The following PNPLA1 variants were observed in gnomAD, a reference collection of about 807,000 sequenced individuals.
The protein encoded by PNPLA1 is omega-hydroxyceramide transacylase.
Under a neutral mutation model 51.7 loss-of-function variants are expected in PNPLA1, and 36 were observed. The observed-to-expected ratio is 0.70, with a 90% CI of 0.53 to 0.92. The LOEUF (loss-of-function observed/expected upper bound fraction) is 0.92. Ranked by LOEUF, PNPLA1 falls within the 40% of genes least tolerant of loss-of-function variation. The pLI is 0.00. For missense variants in PNPLA1, 658 were observed against 682.5 expected, an observed-to-expected ratio of 0.96 and a Z score of 0.40; for synonymous variants, 293 against 280.1, an observed-to-expected ratio of 1.05 and a Z score of -0.46.
chr6:36,313,699 C>CT lies in PNPLA1; in HGVS notation c.*1814dup, dbSNP rs1000205254. On this transcript the variant is annotated 3_prime_UTR_variant, in exon 9 of 9. Transcript: ENST00000636260. ...AGGTGTGTACTGTGGGGGAGACTGACTAGAGAGGCCCGCCCGGCCGCAGGC... is the reference window on the plus strand; with the variant it reads ...AGGTGTGTACTGTGGGGGAGACTGACTTAGAGAGGCCCGCCCGGCCGCAGGC... Among the ~76,000 whole-genome samples, 4 of 152,356 alleles carry CT rather than the reference C, an allele frequency of 2.6e-5. No individual in the cohort carries two copies. The highest frequency in any genetic ancestry group is 2.6e-4 in the Admixed American group (4 of 15,308).
At position 36,282,088 on chromosome 6, in the gene PNPLA1, A is replaced by AGAAAGAAG. The variant is rs1554136580; in HGVS notation, c.206-9229_206-9228insAGAAGGAA. 4.6e-3 allele frequency among the ~76,000 whole-genome samples: 451 copies of AGAAAGAAG among 98,656 alleles called. 1 individual carries two copies. Among genetic ancestry groups the AGAAAGAAG allele is most frequent in the East Asian group, 7.9e-3 (26 of 3,310 alleles). 64.7% of individuals were successfully genotyped at this position (98,656 alleles called of 152,430 possible). On this transcript the variant is annotated intron_variant, in intron 1 of 8. Transcript: ENST00000636260. ...AAGAAAGAAAGAAAGAAAGAAAGAA[A>AGAAAGAAG]GAAGGAAGGAAGGAAGGAAGGAAGG...
rs1014291699 is a variant in PNPLA1, at chr6:36,313,637, T to A, written c.*1751T>A. Among the ~76,000 whole-genome samples the A allele has an allele frequency of 6.6e-6, 1 of 152,172 alleles. No homozygotes were observed. The highest frequency in any genetic ancestry group is 1.5e-5 in the Non-Finnish European group (1 of 68,034). On this transcript the variant is annotated 3_prime_UTR_variant, in exon 9 of 9. Coordinates refer to ENST00000636260, the MANE Select transcript of PNPLA1 (RefSeq NM_001374623.1). Reference sequence around the variant, plus strand: ...GTCTTGCATCCTCTGCCTACTCTGGTTGATCTGTGGCCACACCAGTCAAAG... The same window carrying A: ...GTCTTGCATCCTCTGCCTACTCTGGATGATCTGTGGCCACACCAGTCAAAG...
At chr6:36,296,619 T>C (rs147026014) in intron 5 of PNPLA1, among the ~76,000 whole-genome samples, 2 of 152,328 alleles carry the variant, frequency 1.3e-5, no homozygotes, top group African/African-American at 4.8e-5. Context: ...TTTTCCCTTC[T>C]TCAAAATTCC....
rs140037716 is a variant in PNPLA1, at chr6:36,245,897, G to A, written c.-81+2636G>A. On this transcript the variant is annotated intron_variant, in intron 1 of 7. Coordinates refer to the PNPLA1 transcript ENST00000312917. ...GCCCCCCGCCACACTGCCTCCCAGC[G>A]GCTGCTGAAATGCAATTAGCCAGGG... 1.4e-4 allele frequency among the ~76,000 whole-genome samples: 22 copies of A among 152,268 alleles called. No homozygotes were observed. In the South Asian group the frequency reaches 2.1e-3, roughly 14 times the overall value.
At chr6:36,289,478 G>A (rs1243968464) in intron 1 of PNPLA1, among the ~76,000 whole-genome samples, 1 of 152,166 alleles carries the variant, frequency 6.6e-6, no homozygotes, top group East Asian at 1.9e-4. Flanking sequence ...CACATGGTAA[G>A]GCTAACCTCA....
chr6:36,281,026 C>T (rs989594002), intron 1 of PNPLA1, among the ~76,000 whole-genome samples: 4 of 152,202 alleles, frequency 2.6e-5, no homozygotes, highest in African/African-American at 7.2e-5. Flanking sequence ...CTCCTGGCCT[C>T]AATCAATCCG....
At chr6:36,247,911 C>T (rs1398587953) in intron 1 of PNPLA1, among the ~76,000 whole-genome samples, 1 of 152,168 alleles carries the variant, frequency 6.6e-6, no homozygotes, top group Non-Finnish European at 1.5e-5. Context: ...TGGGATGTCT[C>T]AGGAATGACC....
At chr6:36,257,170 C>T (rs1367144727) in intron 1 of PNPLA1, among the ~76,000 whole-genome samples, 1 of 152,102 alleles carries the variant, frequency 6.6e-6, no homozygotes, top group Non-Finnish European at 1.5e-5. Flanking sequence ...CAGAGAAAAC[C>T]CTTCCCTGCA....
chr6:36,244,857 G>A (rs1310559351), intron 1 of PNPLA1, among the ~76,000 whole-genome samples: 1 of 152,226 alleles, frequency 6.6e-6, no homozygotes, highest in Non-Finnish European at 1.5e-5. Flanking sequence ...TGCAGCAAGA[G>A]AAAGTGAGGC....
At position 36,302,566 on chromosome 6, in the gene PNPLA1, G is replaced by C; in HGVS notation, c.1384+97G>C. On this transcript the variant is annotated intron_variant, in intron 6 of 8. Transcript: ENST00000636260. ...GGCTGATAACCGCTTCTTTAGGGGTGCGTGGCTGAAGTTAGCAGTGAGCTT... is the reference window on the plus strand; with the variant it reads ...GGCTGATAACCGCTTCTTTAGGGGTCCGTGGCTGAAGTTAGCAGTGAGCTT... The C allele has an allele frequency of 2.0e-6, 3 of 1,463,998 alleles. No homozygotes were observed. In the South Asian group the frequency reaches 4.2e-5, roughly 20 times the overall value. The allele number at this position is 1,463,998 out of a possible 1,614,324, so 90.7% of individuals were successfully genotyped here. A position where few individuals can be genotyped will look rare whatever the true frequency, so the allele number is the denominator to read the frequency against.
At chr6:36,309,998 G>A (rs370265487) in intron 8 of PNPLA1, among the ~76,000 whole-genome samples, 63 of 152,316 alleles carry the variant, frequency 4.1e-4, no homozygotes, top group African/African-American at 1.2e-3. Context: ...AAGCTAAAGT[G>A]TAGATGTCCC....
chr6:36,303,755 C>T (rs1183868312), intron 6 of PNPLA1, among the ~76,000 whole-genome samples: 1 of 152,202 alleles, frequency 6.6e-6, no homozygotes, highest in Non-Finnish European at 1.5e-5. Flanking sequence ...TCGCTTGAAC[C>T]CAGGAGGTGG....
At chr6:36,297,865 T>TACAC (rs112771131) in intron 5 of PNPLA1, among the ~76,000 whole-genome samples, 9,838 of 133,772 alleles carry the variant, frequency 0.074, 338 homozygotes, top group African/African-American at 0.1. Flanking sequence ...TGTCTCTCTG[T>TACAC]ACACACACAC....
upstream of PNPLA1, among the ~76,000 whole-genome samples, chr6:36,267,017 G>C (rs1769775727): frequency 6.6e-6 from 1 of 152,118 alleles, no homozygotes; most frequent in Admixed American, 6.5e-5. Context: ...AAACTTATGG[G>C]AAGTCCAGTT....
chr6:36,278,070 C>T (rs1770167511), intron 1 of PNPLA1, among the ~76,000 whole-genome samples: 2 of 152,210 alleles, frequency 1.3e-5, no homozygotes, highest in South Asian at 4.1e-4. Context: ...AAAACCTCCT[C>T]TCCAGACACC....
chr6:36,307,007 G>A (rs894691529), intron 7 of PNPLA1, among the ~76,000 whole-genome samples: 1 of 152,100 alleles, frequency 6.6e-6, no homozygotes, highest in African/African-American at 2.4e-5. Context: ...GCTGAATGCC[G>A]TTTGTACTGG....
At chr6:36,282,602 G>A (rs1770353693) in intron 1 of PNPLA1, among the ~76,000 whole-genome samples, 1 of 152,226 alleles carries the variant, frequency 6.6e-6, no homozygotes, top group Non-Finnish European at 1.5e-5. Flanking sequence ...CCTGGTATCA[G>A]CAGGTGCTAA....
intron 5 of PNPLA1, among the ~76,000 whole-genome samples, chr6:36,299,027 G>A (rs557546894): frequency 6.6e-5 from 10 of 152,204 alleles, no homozygotes; most frequent in Admixed American, 1.3e-4. Context: ...GTGAGCCACC[G>A]CGCCTGGCCG....
chr6:36,289,300 G>C (rs1023741060), intron 1 of PNPLA1, among the ~76,000 whole-genome samples: 1 of 152,116 alleles, frequency 6.6e-6, no homozygotes, highest in African/African-American at 2.4e-5. Flanking sequence ...GTGTTAAGCT[G>C]CTCACTAAGA....
Sources: gnomAD v4.1 joint callset for allele counts (sites outside exome capture counted in the v4.1 genomes callset) on GRCh38, gnomAD v4.1.1 for gene constraint, MANE v1.5 for transcripts, NCBI Gene and HGNC (gene_info 2026-07-23, HGNC 2026-07-21) for gene names.